RIMS2: variants seen among roughly 807,000 people sequenced by gnomAD.
RIMS2 encodes regulating synaptic membrane exocytosis protein 2.
RIMS2 carries 59 observed loss-of-function variants against 174.4 expected under a neutral mutation model. That is an observed-to-expected ratio of 0.34 (90% CI 0.27 to 0.42). The LOEUF (loss-of-function observed/expected upper bound fraction) is 0.42, where lower values mean the gene tolerates loss of function less well. RIMS2 is among the 10% of genes least tolerant of loss of function. The probability of loss-of-function intolerance (pLI) is 1.00; values close to 1 mark genes in which losing one functional copy is unlikely to be tolerated. For synonymous variants in RIMS2, 606 were observed against 572.5 expected (o/e 1.06, Z -0.84); for missense variants, 1,620 against 1,666.3 (o/e 0.97, Z 0.48).
At chr8:103,583,529 T>C (rs1417196588) in intron 1 of RIMS2, among the ~76,000 whole-genome samples, 2 of 152,156 alleles carry the variant, frequency 1.3e-5, no homozygotes. Flanking sequence ...AACACAGCTA[T>C]TTTGAAATCA....
chr8:103,788,043 T>C (rs1263588590), intron 3 of RIMS2, among the ~76,000 whole-genome samples: 1 of 151,336 alleles, frequency 6.6e-6, no homozygotes, highest in Non-Finnish European at 1.5e-5. Context: ...GCTGATACCC[T>C]TTCTTCCAGT....
intron 3 of RIMS2, among the ~76,000 whole-genome samples, chr8:103,878,131 C>G (rs1378439241): frequency 6.6e-6 from 1 of 151,696 alleles, no homozygotes; most frequent in African/African-American, 2.4e-5. Flanking sequence ...GTAGTTTTTC[C>G]TGTACTGACA....
At chr8:104,148,872 A>C (rs535586389) in intron 19 of RIMS2, 24 bp downstream of exon 25, 1 of 1,590,780 alleles carries the variant, frequency 6.3e-7, no homozygotes, top group African/African-American at 1.3e-5. Context: ...TGTTACTTTT[A>C]ACTTGATATT....
rs563803951 is a variant in RIMS2 at position 103,787,772 on chromosome 8, T to C, written c.698+21235T>C. 6.6e-5 allele frequency among the ~76,000 whole-genome samples: 10 copies of C among 152,230 alleles called. No homozygotes were observed. The East Asian group carries it at 1.7e-3, about 26-fold the overall frequency. The stretch of plus-strand genomic sequence containing the variant: ...TCTTGGAGTTGCTCTTCTCAAGGAG[T>C]ATCTTTGTGGCGTTCTCTGTATTTC... On this transcript the variant is annotated intron_variant, in intron 3 of 23. Coordinates refer to ENST00000504942, the Ensembl canonical transcript of RIMS2.
At chr8:103,753,046 AT>A (rs2097915556) in intron 2 of RIMS2, among the ~76,000 whole-genome samples, 1 of 152,024 alleles carries the variant, frequency 6.6e-6, no homozygotes, top group Non-Finnish European at 1.5e-5. Context: ...GTTTTTGCCC[AT>A]TCAGTATGAT....
rs2099255569 is a variant in RIMS2 at position 103,892,951 on chromosome 8, ATATATTATTAT to A, written c.1624+6743_1624+6753del. 3.3e-5 allele frequency among the ~76,000 whole-genome samples: 5 copies of A among 152,036 alleles called. No individual in the cohort carries two copies. The East Asian group carries it at 5.8e-4, about 18-fold the overall frequency. On this transcript the variant is annotated intron_variant, in intron 4 of 23. Coordinates refer to ENST00000504942, the Ensembl canonical transcript of RIMS2. ...AGAAAAATGTATACTTTTGTGGAGG[ATATATTATTAT>A]TATATTATTATTATTAATTGATGAG...
Position 103,583,120 on chromosome 8 carries a change from A to T in RIMS2, c.176+82058A>T. Among the ~76,000 whole-genome samples the T allele has an allele frequency of 1.3e-5, 2 of 152,096 alleles. 1 individual carries two copies. Among genetic ancestry groups the T allele is most frequent in the Non-Finnish European group, 2.9e-5 (2 of 68,034 alleles). ...GAGACACTTTATGTTTGGGAGAAAG[A>T]CAAGAGAACAGAGTCTCTGCTTGAT... is the stretch of plus-strand genomic sequence containing the variant. On this transcript the variant is annotated intron_variant, in intron 1 of 23. Transcript: ENST00000504942.
chr8:103,838,194 C>T (rs1410827730), intron 3 of RIMS2, among the ~76,000 whole-genome samples: 1 of 152,132 alleles, frequency 6.6e-6, no homozygotes, highest in Admixed American at 6.5e-5. Context: ...GATCCACCCA[C>T]CTCTGCCTTC....
intron 3 of RIMS2, among the ~76,000 whole-genome samples, chr8:103,859,695 A>G (rs1304944041): frequency 1.3e-5 from 2 of 151,950 alleles, no homozygotes; most frequent in East Asian, 1.9e-4. Context: ...TAATATGTCA[A>G]TGCTTAACAT....
chr8:104,081,325 T>C (rs2097416597), intron 19 of RIMS2, among the ~76,000 whole-genome samples: 2 of 152,060 alleles, frequency 1.3e-5, no homozygotes, highest in Admixed American at 1.3e-4. Context: ...ACATAAAACA[T>C]GCTTTTATTC....
intron 1 of RIMS2, among the ~76,000 whole-genome samples, chr8:103,594,673 C>T (rs1413847773): frequency 6.6e-6 from 1 of 151,792 alleles, no homozygotes; most frequent in African/African-American, 2.4e-5. Context: ...CAGATTGCTG[C>T]TGGATGGCAT....
intron 19 of RIMS2, among the ~76,000 whole-genome samples, chr8:104,214,930 T>C (rs1448182500): frequency 6.6e-6 from 1 of 152,252 alleles, no homozygotes; most frequent in Non-Finnish European, 1.5e-5. Flanking sequence ...TGGATCTGTA[T>C]AACATGAATG....
chr8:103,551,998 A>C (rs541912112), intron 1 of RIMS2, among the ~76,000 whole-genome samples: 1 of 152,348 alleles, frequency 6.6e-6, no homozygotes, highest in East Asian at 1.9e-4. Flanking sequence ...GATAGGAAGA[A>C]TCAATATCGT....
intron 1 of RIMS2, among the ~76,000 whole-genome samples, chr8:103,549,866 G>A (rs1846884880): frequency 6.6e-6 from 1 of 152,102 alleles, no homozygotes; most frequent in South Asian, 2.1e-4. Context: ...GATCAAAAGA[G>A]ACAAAGAAGG....
chr8:103,528,243 T>G (rs4613966), intron 1 of RIMS2, among the ~76,000 whole-genome samples: 17,655 of 152,130 alleles, frequency 0.12, 1,365 homozygotes, highest in Non-Finnish European at 0.17. Flanking sequence ...GGGTTGTTTT[T>G]TTTTTTCTTG....
intron 1 of RIMS2, among the ~76,000 whole-genome samples, chr8:103,681,552 A>G (rs1315692985): frequency 1.3e-5 from 2 of 152,032 alleles, no homozygotes; most frequent in African/African-American, 4.8e-5. Context: ...AAGTGTACAT[A>G]GCAATCCATT....
At chr8:104,108,787 A>G (rs2098124538) in intron 19 of RIMS2, among the ~76,000 whole-genome samples, 3 of 152,142 alleles carry the variant, frequency 2.0e-5, no homozygotes, top group Admixed American at 6.5e-5. Context: ...TATTTTCTAG[A>G]TAGTCTATTA....
At chr8:104,056,520 G>A (rs1020289561) in intron 19 of RIMS2, among the ~76,000 whole-genome samples, 4 of 152,126 alleles carry the variant, frequency 2.6e-5, no homozygotes, top group African/African-American at 9.7e-5. Flanking sequence ...GTAGGTACAG[G>A]ACTCGTGAAG....
intron 19 of RIMS2, among the ~76,000 whole-genome samples, chr8:104,236,601 A>C (rs897027159): frequency 6.6e-6 from 1 of 152,206 alleles, no homozygotes; most frequent in South Asian, 2.1e-4. Context: ...TCTATAGACA[A>C]GTATTTTCAA....
Sources: allele counts gnomAD v4.1 joint callset (sites outside exome capture counted in the v4.1 genomes callset), GRCh38; gene constraint gnomAD v4.1.1; transcripts MANE v1.5; gene names NCBI Gene and HGNC (gene_info 2026-07-23, HGNC 2026-07-21).